CACNA1D: variants seen among roughly 807,000 people sequenced by gnomAD.
CACNA1D encodes the protein voltage-dependent L-type calcium channel subunit alpha-1D.
A neutral mutation model predicts 257.1 loss-of-function variants in CACNA1D; 55 were observed. The observed-to-expected ratio is 0.21, with a 90% CI of 0.17 to 0.27. The LOEUF is 0.27. Among genes scored for constraint, CACNA1D ranks in the 10% least tolerant of loss-of-function variants. CACNA1D has a pLI of 1.00. For missense variants in CACNA1D, 1,876 were observed against 2,784.0 expected, an observed-to-expected ratio of 0.67 and a Z score of 7.34; for synonymous variants, 980 against 1,014.9, an observed-to-expected ratio of 0.97 and a Z score of 0.65.
At chr3:53,727,743 C>G (rs1228767852) in intron 15 of CACNA1D, among the ~76,000 whole-genome samples, 3 of 152,134 alleles carry the variant, frequency 2.0e-5, no homozygotes, top group African/African-American at 4.8e-5. Context: ...GACGTACACA[C>G]TCATGATACT....
chr3:53,523,783 T>G (rs1367592264), intron 3 of CACNA1D, among the ~76,000 whole-genome samples: 1 of 152,260 alleles, frequency 6.6e-6, no homozygotes, highest in Non-Finnish European at 1.5e-5. Context: ...TTCTTTTTCT[T>G]ATCTCCAGCC....
At chr3:53,501,896 A>G (rs1443134745) in intron 3 of CACNA1D, among the ~76,000 whole-genome samples, 176 bp downstream of exon 3, 1 of 152,154 alleles carries the variant, frequency 6.6e-6, no homozygotes, top group Non-Finnish European at 1.5e-5. Flanking sequence ...GTATTCTCAA[A>G]TTTATACTGA....
At chr3:53,677,443 T>C (rs1266721641) in intron 8 of CACNA1D, among the ~76,000 whole-genome samples, 2 of 152,248 alleles carry the variant, frequency 1.3e-5, no homozygotes, top group Admixed American at 6.5e-5. Flanking sequence ...CTAATGACTG[T>C]AGAAGTGCTT....
rs1183387291 is a variant in CACNA1D, at chr3:53,799,755, A to G, written c.4924-494A>G. On this transcript the variant is annotated intron_variant, in intron 40 of 47. Coordinates refer to ENST00000350061, the MANE Select transcript of CACNA1D (RefSeq NM_001128840.3). ...GCTTTTTAGCAGAACCAGTGGCCTGAGGACTGCTTGGTCTGCTTGTGCCTC... is the reference window on the plus strand; with the variant it reads ...GCTTTTTAGCAGAACCAGTGGCCTGGGGACTGCTTGGTCTGCTTGTGCCTC... 3 of 228,450 alleles carry G rather than the reference A, an allele frequency of 1.3e-5. No homozygotes were observed. In the Admixed American group the frequency reaches 1.6e-4, roughly 12 times the overall value. 14.2% of individuals were successfully genotyped at this position (228,450 alleles called of 1,614,324 possible).
chr3:53,812,134 AGTTT>A lies in CACNA1D; in HGVS notation c.*733_*736del, dbSNP rs912657713. Reference sequence around the variant, plus strand: ...GCAACCAGGTAAACTTAGATACACTAGTTTGTTTAAAATTATAGATTTACTGTAC... The same window carrying A: ...GCAACCAGGTAAACTTAGATACACTAGTTTAAAATTATAGATTTACTGTAC... On this transcript the variant is annotated 3_prime_UTR_variant, in exon 48 of 48. Transcript: ENST00000350061. 4 of 152,222 alleles carry A rather than the reference AGTTT, an allele frequency of 2.6e-5. No individual in the cohort carries two copies. Among genetic ancestry groups the A allele is most frequent in the Admixed American group, 1.3e-4 (2 of 15,284 alleles). The allele number at this position is 152,222 out of a possible 1,614,324, so 9.4% of individuals were successfully genotyped here.
intron 9 of CACNA1D, among the ~76,000 whole-genome samples, chr3:53,707,994 G>A (rs1307400358): frequency 6.6e-6 from 1 of 152,236 alleles, no homozygotes; most frequent in Non-Finnish European, 1.5e-5. Flanking sequence ...TCTGTCTTCT[G>A]CTTCTTCAGT....
At chr3:53,718,258 A>G in intron 9 of CACNA1D, 43 bp from the exon 10 acceptor site, 3 of 1,543,732 alleles carry the variant, frequency 1.9e-6, no homozygotes, top group Non-Finnish European at 2.7e-6. Flanking sequence ...CCAGGCGTGC[A>G]GTGTGCCCCG....
intron 3 of CACNA1D, among the ~76,000 whole-genome samples, chr3:53,508,664 C>CT (rs58346385): frequency 1.2e-3 from 183 of 151,508 alleles, no homozygotes; most frequent in African/African-American, 3.9e-3. Flanking sequence ...GGGTAGTTTT[C>CT]TTTTTTTTTA....
chr3:53,606,608 G>A (rs2093514376), intron 3 of CACNA1D, among the ~76,000 whole-genome samples: 1 of 152,244 alleles, frequency 6.6e-6, no homozygotes, highest in Non-Finnish European at 1.5e-5. Context: ...CAGTAAATGT[G>A]ATATGTGGTT....
In CACNA1D at chr3:53,567,147, T is replaced by C. The variant is rs184355150; in HGVS notation, c.483+65427T>C. Reference sequence around the variant, plus strand: ...GGGACCAGCCATATTCACTGCAGGATCTCCCGTGGATGCATAGCATGGTGC... The same window carrying C: ...GGGACCAGCCATATTCACTGCAGGACCTCCCGTGGATGCATAGCATGGTGC... On this transcript the variant is annotated intron_variant, in intron 3 of 47. Coordinates refer to ENST00000350061, the MANE Select transcript of CACNA1D (RefSeq NM_001128840.3). Among the ~76,000 whole-genome samples, 100 of 152,278 alleles carry C rather than the reference T, an allele frequency of 6.6e-4. 2 individuals are homozygous for C. The highest frequency in any genetic ancestry group is 5.8e-3 in the Admixed American group (88 of 15,298).
intron 3 of CACNA1D, among the ~76,000 whole-genome samples, chr3:53,573,283 A>G (rs1251646290): frequency 2.6e-5 from 4 of 152,080 alleles, no homozygotes; most frequent in African/African-American, 9.7e-5. Context: ...CCCCCGTAGG[A>G]GCGTCCTTTT....
chr3:53,746,666 C>A (rs770180644), intron 25 of CACNA1D, among the ~76,000 whole-genome samples: 1 of 152,202 alleles, frequency 6.6e-6, no homozygotes, highest in Admixed American at 6.5e-5. Flanking sequence ...GTTCACACAC[C>A]GTTCATGGCG....
At chr3:53,560,906 A>G (rs2092726540) in intron 3 of CACNA1D, among the ~76,000 whole-genome samples, 1 of 152,228 alleles carries the variant, frequency 6.6e-6, no homozygotes, top group Non-Finnish European at 1.5e-5. Context: ...TTCTGGAGAA[A>G]CAAAGATAGG....
Position 53,751,635 on chromosome 3 carries a change from C to A in CACNA1D, c.3517-114C>A. ...CACTCGTAATCATTTTCACCATCGT[C>A]CACGGCCCCTTCCCGGGAGCTGTAG... On this transcript the variant is annotated intron_variant, in intron 27 of 47. Coordinates refer to ENST00000350061, the MANE Select transcript of CACNA1D (RefSeq NM_001128840.3). The surrounding 1 kb of genome is among the most constrained non-coding windows in gnomAD (Gnocchi z 4.3). 9.5e-7 allele frequency: 1 copy of A among 1,052,224 alleles called. No individual in the cohort carries two copies. Among genetic ancestry groups the A allele is most frequent in the Non-Finnish European group, 1.5e-6 (1 of 672,328 alleles). 65.2% of individuals were successfully genotyped at this position (1,052,224 alleles called of 1,614,324 possible).
chr3:53,496,718 C>G (rs2090366211), intron 1 of CACNA1D, among the ~76,000 whole-genome samples: 1 of 151,132 alleles, frequency 6.6e-6, no homozygotes, highest in South Asian at 2.1e-4. Flanking sequence ...TTGGTACTGC[C>G]TTTTTTTTTC....
intron 29 of CACNA1D, among the ~76,000 whole-genome samples, chr3:53,755,179 C>G (rs576046288): frequency 6.6e-6 from 1 of 152,202 alleles, no homozygotes; most frequent in Non-Finnish European, 1.5e-5. Context: ...ATCGAAGGTA[C>G]TTGAGAAATG....
chr3:53,784,153 C>G (rs951570920), intron 39 of CACNA1D, among the ~76,000 whole-genome samples: 14 of 152,166 alleles, frequency 9.2e-5, no homozygotes, highest in African/African-American at 3.1e-4. Flanking sequence ...TCCGCTGCCC[C>G]CTCACCATCA....
chr3:53,694,238 G>A (rs1461008989), intron 8 of CACNA1D, among the ~76,000 whole-genome samples: 4 of 152,216 alleles, frequency 2.6e-5, no homozygotes, highest in Non-Finnish European at 5.9e-5. Context: ...CTCCACTGGG[G>A]CTCCTTAGAT....
chr3:53,783,138 C>G (rs2095434797), intron 39 of CACNA1D: 2 of 152,170 alleles, frequency 1.3e-5, no homozygotes, highest in East Asian at 3.9e-4. Context: ...TAAACCTTCC[C>G]CCTGCGAGCT....
Sources: gnomAD v4.1 joint callset for allele counts (sites outside exome capture counted in the v4.1 genomes callset) on GRCh38, gnomAD v4.1.1 for gene constraint, Gnocchi (gnomAD v3.1) non-coding constraint, MANE v1.5 for transcripts, NCBI Gene and HGNC (gene_info 2026-07-23, HGNC 2026-07-21) for gene names.